Variants in CREB3L2 observed in about 807,000 individuals in gnomAD.
The protein encoded by CREB3L2 is cAMP responsive element binding protein 3 like 2, also known as cyclic AMP-responsive element-binding protein 3-like protein 2.
A neutral mutation model predicts 57.2 loss-of-function variants in CREB3L2; 23 were observed. That is an observed-to-expected ratio of 0.40 (90% CI 0.29 to 0.57). The LOEUF (loss-of-function observed/expected upper bound fraction) is 0.57. Ranked by LOEUF, CREB3L2 falls within the 20% of genes least tolerant of loss-of-function variation. CREB3L2 has a pLI of 0.42. For synonymous variants in CREB3L2, 268 were observed against 265.1 expected, an observed-to-expected ratio of 1.01 and a Z score of -0.11; for missense variants, 628 against 634.7, an observed-to-expected ratio of 0.99 and a Z score of 0.11.
chr7:137,993,518 C>A (rs1801936326), intron 1 of CREB3L2, among the ~76,000 whole-genome samples: 1 of 152,154 alleles, frequency 6.6e-6, no homozygotes, highest in African/African-American at 2.4e-5. Context: ...TGTTTGTTTG[C>A]TCATTTATTT....
chr7:137,985,391 C>T (rs935484305), intron 1 of CREB3L2, among the ~76,000 whole-genome samples: 3 of 152,184 alleles, frequency 2.0e-5, no homozygotes, highest in Non-Finnish European at 4.4e-5. Context: ...GCTTAAATGC[C>T]TTTGCTGCAG....
At position 137,928,311 on chromosome 7, in the gene CREB3L2, T is replaced by G. The variant is rs1475855719; in HGVS notation, c.158A>C (p.Asn53Thr). ...FSQNVLGQLL[N>T]DPFLSEKSVS... ...ACTCTTCTCTGAGAGGAAAGGATCATTCAGGAGCTGACCCAAGACGTTCTG... is the reference window on the plus strand; with the variant it reads ...ACTCTTCTCTGAGAGGAAAGGATCAGTCAGGAGCTGACCCAAGACGTTCTG... Residue 53 changes from asparagine (N) to threonine (T), a missense_variant, in exon 2 of 12, where the codon AAT becomes ACT. Coordinates refer to ENST00000330387, the MANE Select transcript of CREB3L2 (RefSeq NM_194071.4). 6.8e-6 allele frequency: 11 copies of G among 1,614,030 alleles called. No homozygotes were observed. The highest frequency in any genetic ancestry group is 8.5e-6 in the Non-Finnish European group (10 of 1,180,034).
chr7:137,917,280 C>T (rs1273972699), intron 2 of CREB3L2, among the ~76,000 whole-genome samples: 1 of 152,064 alleles, frequency 6.6e-6, no homozygotes, highest in Non-Finnish European at 1.5e-5. Flanking sequence ...TATTTCTTAA[C>T]AAGTTACTTT....
intron 8 of CREB3L2, 23 bp downstream of exon 8, chr7:137,901,331 G>A (rs1563244897): frequency 7.0e-7 from 1 of 1,435,500 alleles, no homozygotes; most frequent in Non-Finnish European, 9.8e-7. Context: ...AGCGCAATCA[G>A]CTCTCAGTCC....
chr7:137,961,527 A>G (rs886782333), intron 1 of CREB3L2, among the ~76,000 whole-genome samples: 4 of 152,150 alleles, frequency 2.6e-5, no homozygotes, highest in African/African-American at 9.7e-5. Flanking sequence ...CACCTTTGCC[A>G]TCACAGGATA....
At chr7:137,953,156 T>C (rs1421155281) in intron 1 of CREB3L2, among the ~76,000 whole-genome samples, 1 of 152,234 alleles carries the variant, frequency 6.6e-6, no homozygotes, top group Non-Finnish European at 1.5e-5. Context: ...GACCTTTTAA[T>C]GTAAACTCCT....
intron 1 of CREB3L2, among the ~76,000 whole-genome samples, chr7:137,939,331 C>T (rs1267487603): frequency 6.6e-6 from 1 of 151,994 alleles, no homozygotes; most frequent in Admixed American, 6.5e-5. Flanking sequence ...CAGGCACGTT[C>T]GGCATAGTCC....
chr7:137,965,522 AG>A (rs1219319509), intron 1 of CREB3L2, among the ~76,000 whole-genome samples: 8 of 152,224 alleles, frequency 5.3e-5, no homozygotes, highest in African/African-American at 1.7e-4. Flanking sequence ...TAGAACACAC[AG>A]GTGAGTAGAC....
At chr7:137,936,400 A>G (rs1032362771) in intron 1 of CREB3L2, among the ~76,000 whole-genome samples, 3 of 152,190 alleles carry the variant, frequency 2.0e-5, no homozygotes, top group African/African-American at 7.2e-5. Context: ...AGTGGTGGTC[A>G]GTCTGCCTCT....
chr7:137,953,601 C>A, intron 1 of CREB3L2: 1 of 1,045,198 alleles, frequency 9.6e-7, no homozygotes, highest in Non-Finnish European at 1.3e-6. Flanking sequence ...GAAATCATTT[C>A]ATCTCTGTTG....
rs1056685325 is a variant in CREB3L2, at chr7:137,927,335, A to G, written c.319+815T>C. ...GGGAGGCAGGGAGGGAGCGAGAGGG[A>G]GGGAAAGAGGAAGGGAGAGAGAAAA... On this transcript the variant is annotated intron_variant, in intron 2 of 11. Coordinates refer to ENST00000330387, the MANE Select transcript of CREB3L2 (RefSeq NM_194071.4). 2.9e-5 allele frequency among the ~76,000 whole-genome samples: 4 copies of G among 137,074 alleles called. No individual in the cohort carries two copies. The Admixed American group carries it at 3.0e-4, about 10-fold the overall frequency. 89.9% of individuals were successfully genotyped at this position (137,074 alleles called of 152,430 possible). A position where few individuals can be genotyped will look rare whatever the true frequency, so the allele number is the denominator to read the frequency against.
chr7:137,966,677 C>T (rs78923742), intron 1 of CREB3L2, among the ~76,000 whole-genome samples: 3,884 of 152,166 alleles, frequency 0.026, 178 homozygotes, highest in African/African-American at 0.088. Context: ...AAAGAAAAAT[C>T]GTAGGTAGAA....
chr7:137,934,572 C>A (rs1443722485), intron 1 of CREB3L2, among the ~76,000 whole-genome samples: 1 of 152,216 alleles, frequency 6.6e-6, no homozygotes, highest in African/African-American at 2.4e-5. Context: ...CAGGCACTTT[C>A]TACAGCATGC....
intron 1 of CREB3L2, among the ~76,000 whole-genome samples, chr7:137,954,983 G>A (rs2117276896): frequency 6.6e-6 from 1 of 152,328 alleles, no homozygotes; most frequent in South Asian, 2.1e-4. Context: ...AACTGCCAGA[G>A]TCTGGGTTCT....
At chr7:137,989,432 GTTTT>G (rs33944427) in intron 1 of CREB3L2, among the ~76,000 whole-genome samples, 2 of 106,032 alleles carry the variant, frequency 1.9e-5, no homozygotes, top group African/African-American at 7.5e-5. Flanking sequence ...CTTTTCTCCA[GTTTT>G]TTTTTTTTTT....
chr7:137,918,062 A>G (rs1439073998), intron 2 of CREB3L2, among the ~76,000 whole-genome samples: 3 of 152,206 alleles, frequency 2.0e-5, no homozygotes, highest in South Asian at 4.1e-4. Context: ...ACTCTCCCCA[A>G]AGGAGCTTAG....
intron 2 of CREB3L2, among the ~76,000 whole-genome samples, chr7:137,924,788 C>A (rs1030331174): frequency 3.9e-5 from 6 of 152,040 alleles, no homozygotes; most frequent in Non-Finnish European, 7.3e-5. Context: ...GAAGGCTGCA[C>A]CTACATTTCT....
At position 137,879,225 on chromosome 7, in the gene CREB3L2, C is replaced by T. The variant is rs1317766387; in HGVS notation, c.*1251G>A. ...GGGGATTAGGTTGTATCTCTTTGGG[C>T]GAGCTGCAAAGTAGCCAAACCTGAC... On this transcript the variant is annotated 3_prime_UTR_variant, in exon 12 of 12. Transcript: ENST00000330387. The T allele has an allele frequency of 3.6e-5, 19 of 534,318 alleles. No individual in the cohort carries two copies. The highest frequency in any genetic ancestry group is 5.4e-5 in the Non-Finnish European group (15 of 275,330). The allele number at this position is 534,318 out of a possible 1,614,324, so 33.1% of individuals were successfully genotyped here.
At chr7:137,971,490 T>C (rs941700667) in intron 1 of CREB3L2, among the ~76,000 whole-genome samples, 13 of 151,922 alleles carry the variant, frequency 8.6e-5, no homozygotes, top group African/African-American at 3.1e-4. Flanking sequence ...AGACATTGTA[T>C]GAAGGACACT....
Sources: allele counts gnomAD v4.1 joint callset (sites outside exome capture counted in the v4.1 genomes callset), GRCh38; gene constraint gnomAD v4.1.1; transcripts MANE v1.5; gene names NCBI Gene and HGNC (gene_info 2026-07-23, HGNC 2026-07-21).